Variants in ANKRD30BL observed in about 807,000 individuals in gnomAD.
ANKRD30BL encodes the protein ankyrin repeat domain 30B like, also known as putative ankyrin repeat domain-containing protein 30B-like.
ANKRD30BL carries 20 observed loss-of-function variants against 18.4 expected under a neutral mutation model. The observed-to-expected ratio is 1.09, with a 90% CI of 0.77 to 1.58. The LOEUF (loss-of-function observed/expected upper bound fraction) is 1.58, where lower values mean the gene tolerates loss of function less well. Among genes scored for constraint, ANKRD30BL ranks in the 40% most tolerant of loss-of-function variants. ANKRD30BL has a pLI of 0.00. For missense variants in ANKRD30BL, 224 were observed against 268.6 expected (o/e 0.83, Z 1.16); for synonymous variants, 72 against 100.9 (o/e 0.71, Z 1.72).
chr2:132,234,017 T>G (rs938427229), intron 1 of ANKRD30BL, among the ~76,000 whole-genome samples: 1 of 152,046 alleles, frequency 6.6e-6, no homozygotes, highest in Non-Finnish European at 1.5e-5. Flanking sequence ...AAACTAGAAC[T>G]CAGGATTAAG....
chr2:132,161,645 A>AG lies in ANKRD30BL; in HGVS notation c.60dup (p.Phe21LeufsTer74). ...TTGTTGGTGTAGACCAGCTGACTGA[A>AG]GGGGCTCGGGCGCTCTGGGCCCGTC... On this transcript the variant is annotated frameshift_variant, in exon 1 of 6. Coordinates refer to ENST00000409867, the MANE Select transcript of ANKRD30BL (RefSeq NM_001358416.1). LOFTEE classifies it high-confidence loss of function. 6.9e-7 allele frequency: 1 copy of AG among 1,453,276 alleles called. No homozygotes were observed. The highest frequency in any genetic ancestry group is 1.2e-5 in the South Asian group (1 of 81,982). The allele number at this position is 1,453,276 out of a possible 1,614,324, so 90.0% of individuals were successfully genotyped here.
At chr2:132,189,513 T>C (rs1478682660) in intron 1 of ANKRD30BL, among the ~76,000 whole-genome samples, 1 of 151,538 alleles carries the variant, frequency 6.6e-6, no homozygotes, top group African/African-American at 2.4e-5. Context: ...CATTGTCCTT[T>C]AGTTTTTGGA....
intron 1 of ANKRD30BL, among the ~76,000 whole-genome samples, chr2:132,185,283 C>A (rs1319086856): frequency 2.0e-5 from 3 of 152,132 alleles, no homozygotes; most frequent in Non-Finnish European, 2.9e-5. Flanking sequence ...CACTTGCACA[C>A]CTCTCAGCAA....
chr2:132,170,807 T>C (rs12476208), intron 1 of ANKRD30BL, among the ~76,000 whole-genome samples: 33,948 of 152,020 alleles, frequency 0.22, 3,922 homozygotes, highest in Non-Finnish European at 0.26. Flanking sequence ...TCTGAAGCTA[T>C]ATAAATAATC....
intron 1 of ANKRD30BL, among the ~76,000 whole-genome samples, chr2:132,172,674 C>A (rs1256255957): frequency 6.6e-6 from 1 of 150,460 alleles, no homozygotes; most frequent in African/African-American, 2.4e-5. Context: ...AGACATCTCC[C>A]ATTCTTTGAG....
At chr2:132,153,990 C>A (rs1330068030) in intron 4 of ANKRD30BL, among the ~76,000 whole-genome samples, 1 of 152,134 alleles carries the variant, frequency 6.6e-6, no homozygotes, top group Non-Finnish European at 1.5e-5. Flanking sequence ...TCTATTTCCT[C>A]CTTAGTCTGA....
intron 1 of ANKRD30BL, among the ~76,000 whole-genome samples, chr2:132,198,810 G>C (rs371002517): frequency 2.0e-5 from 3 of 151,848 alleles, no homozygotes; most frequent in Non-Finnish European, 4.4e-5. Context: ...TAGAGACGAC[G>C]TTTCGCCATG....
chr2:132,233,281 T>C (rs376242352), intron 1 of ANKRD30BL, among the ~76,000 whole-genome samples: 6 of 149,308 alleles, frequency 4.0e-5, no homozygotes, highest in South Asian at 4.3e-4. Flanking sequence ...CATCAACTAA[T>C]GAGCAAAATA....
intron 1 of ANKRD30BL, among the ~76,000 whole-genome samples, chr2:132,190,803 G>C (rs1678829804): frequency 6.6e-6 from 1 of 152,054 alleles, no homozygotes; most frequent in African/African-American, 2.4e-5. Flanking sequence ...TTTTGTTTCA[G>C]ACATTTCCCC....
At chr2:132,183,424 C>T (rs78507214) in intron 1 of ANKRD30BL, among the ~76,000 whole-genome samples, 13 of 152,154 alleles carry the variant, frequency 8.5e-5, no homozygotes, top group Non-Finnish European at 1.5e-4. Flanking sequence ...TCACTGCACC[C>T]GGCCACTTTT....
Position 132,157,122 on chromosome 2 carries a change from A to G in ANKRD30BL, c.358T>C (p.Cys120Arg). 1 of 1,446,254 alleles carries G rather than the reference A, an allele frequency of 6.9e-7. No homozygotes were observed. Among genetic ancestry groups the G allele is most frequent in the Non-Finnish European group, 9.5e-7 (1 of 1,056,624 alleles). 89.6% of individuals were successfully genotyped at this position (1,446,254 alleles called of 1,614,324 possible). ...MKALQCQREA[C>R]ANILIDSGAD... is the part of the protein sequence containing the mutation. ...CCAGAATCTATGAGAATATTTGCAC[A>G]AGCCTCCCTCTGGCATTGCAGAGCC... Residue 120 changes from cysteine (C) to arginine (R), a missense_variant, in exon 3 of 6, where the codon TGT becomes CGT. Cys to Arg is a radical substitution (Grantham distance 180). Coordinates refer to ENST00000409867, the MANE Select transcript of ANKRD30BL (RefSeq NM_001358416.1).
chr2:132,242,235 A>T (rs149658922), intron 1 of ANKRD30BL, among the ~76,000 whole-genome samples: 2 of 151,136 alleles, frequency 1.3e-5, no homozygotes, highest in Non-Finnish European at 3.0e-5. Context: ...CTCAGAAACT[A>T]CTTTGTGAGG....
upstream of ANKRD30BL, among the ~76,000 whole-genome samples, chr2:132,164,812 C>T (rs1279273858): frequency 6.6e-6 from 1 of 152,146 alleles, no homozygotes; most frequent in Non-Finnish European, 1.5e-5. Flanking sequence ...TGGCTCACGC[C>T]TGTAATCCCA....
chr2:132,223,301 A>G (rs1679747004), intron 1 of ANKRD30BL, among the ~76,000 whole-genome samples: 1 of 152,192 alleles, frequency 6.6e-6, no homozygotes, highest in African/African-American at 2.4e-5. Flanking sequence ...ACTAGACAGA[A>G]GCATTCTCAC....
chr2:132,178,512 A>G (rs4280506), intron 1 of ANKRD30BL, among the ~76,000 whole-genome samples: 78,852 of 151,660 alleles, frequency 0.52, 20,674 homozygotes, highest in South Asian at 0.6. Context: ...TTAGGTACTG[A>G]TGTGAACATG....
rs534529490 is a variant in ANKRD30BL at position 132,169,039 on chromosome 2, A to G, written n.442-11893T>C. Among the ~76,000 whole-genome samples the G allele has an allele frequency of 3.3e-3, 505 of 152,202 alleles. 5 individuals carry two copies. The highest frequency in any genetic ancestry group is 0.011 in the African/African-American group (466 of 41,522). ...CCACCATTTTCTTCTCTGCACCTGT[A>G]TTCCTATCTTTATCACAGTGACCAA... On this transcript the variant is annotated intron_variant and non_coding_transcript_variant, in intron 1 of 4. Transcript: ENST00000470729.
At chr2:132,236,382 A>T (rs1680152388) in intron 1 of ANKRD30BL, among the ~76,000 whole-genome samples, 1 of 152,152 alleles carries the variant, frequency 6.6e-6, no homozygotes, top group African/African-American at 2.4e-5. Context: ...TCATCTGACA[A>T]AGGGCTAATA....
chr2:132,256,372 C>G (rs796702281), intron 1 of ANKRD30BL, among the ~76,000 whole-genome samples: 2 of 151,988 alleles, frequency 1.3e-5, no homozygotes, highest in Non-Finnish European at 2.9e-5. Flanking sequence ...ACAAAACCCC[C>G]CGACGGGCTC....
At chr2:132,221,503 G>A (rs1679681531) in intron 1 of ANKRD30BL, among the ~76,000 whole-genome samples, 1 of 128,230 alleles carries the variant, frequency 7.8e-6, no homozygotes. Context: ...GGGAAGTGAG[G>A]AGCCCCTCTG....
Sources: allele counts gnomAD v4.1 joint callset (sites outside exome capture counted in the v4.1 genomes callset), GRCh38; gene constraint gnomAD v4.1.1; transcripts MANE v1.5; gene names NCBI Gene and HGNC (gene_info 2026-07-23, HGNC 2026-07-21).